The following LAMB3 variants were observed in gnomAD, a reference collection of about 807,000 sequenced individuals.
LAMB3 encodes laminin subunit beta 3, also known as laminin subunit beta-3.
LAMB3 carries 104 observed loss-of-function variants against 140.3 expected under a neutral mutation model. That is an observed-to-expected ratio of 0.74 (90% CI 0.63 to 0.87). LAMB3 has a LOEUF of 0.87. LAMB3 is among the 40% of genes least tolerant of loss of function. The pLI, the probability that LAMB3 is intolerant of heterozygous loss-of-function variation, is 0.00. For missense variants in LAMB3, 1,531 were observed against 1,575.2 expected, an observed-to-expected ratio of 0.97 and a Z score of 0.47; for synonymous variants, 592 against 602.9, an observed-to-expected ratio of 0.98 and a Z score of 0.26.
intron 2 of LAMB3, 110 bp from the exon 3 acceptor site, chr1:209,650,228 C>G: frequency 9.0e-7 from 1 of 1,107,848 alleles, no homozygotes. Flanking sequence ...TCCTTTCCCT[C>G]ACTCAAGCTT....
intron 20 of LAMB3, 116 bp from the exon 21 acceptor site, chr1:209,617,702 A>C: frequency 2.3e-6 from 3 of 1,313,212 alleles, no homozygotes; most frequent in Non-Finnish European, 3.2e-6. Flanking sequence ...CAGAACAAAC[A>C]CAATTGCCCA....
rs368115484 is a variant in LAMB3 at position 209,617,447 on chromosome 1, G to T, written c.3191C>A (p.Ala1064Glu). Residue 1064 changes from alanine to glutamate, a missense_variant, in exon 21 of 23, where the codon GCG (alanine) becomes GAG (glutamate). Ala to Glu is a moderately radical substitution (Grantham distance 107). Coordinates refer to ENST00000356082, the MANE Select transcript of LAMB3 (RefSeq NM_000228.3). ...CAATGCCTGCTCGCTGGCACCTTCC[G>T]CAAGCTGCTGGGCCTGGACTGCCTC... is the stretch of plus-strand genomic sequence containing the variant. ...GAEAVQAQQL[A>E]EGASEQALSA... is the part of the protein sequence containing the mutation. 1.9e-6 allele frequency: 3 copies of T among 1,612,946 alleles called. No individual in the cohort carries two copies. The highest frequency in any genetic ancestry group is 2.2e-5 in the South Asian group (2 of 91,052).
Position 209,637,973 on chromosome 1 carries a change from G to T in LAMB3, c.307C>A (p.Pro103Thr), listed in dbSNP as rs200105150. The T allele has an allele frequency of 4.3e-6, 7 of 1,612,796 alleles. No homozygotes were observed. Among genetic ancestry groups the T allele is most frequent in the South Asian group, 1.1e-5 (1 of 90,832 alleles). ...TCCAGGTCCAGCTGCAGAGAGACAG[G>T]GTTCACATCTGGAAGGACAAAAAAT... ...RWWQSQNDVN[P>T]VSLQLDLDRR... The change falls in exon 5 of 23, where the codon CCT (proline) becomes ACT (threonine). Residue 103 changes from proline to threonine, a missense_variant. Transcript: ENST00000356082.
chr1:209,645,101 A>G (rs554171332), intron 3 of LAMB3, among the ~76,000 whole-genome samples: 1 of 152,244 alleles, frequency 6.6e-6, no homozygotes, highest in Admixed American at 6.5e-5. Flanking sequence ...GGACCCAAGA[A>G]TCTCACATTC....
intron 18 of LAMB3, 177 bp from the exon 19 acceptor site, chr1:209,618,836 T>C: frequency 3.0e-6 from 2 of 667,372 alleles, no homozygotes; most frequent in Admixed American, 4.3e-5. Context: ...CAGGGATTTC[T>C]GGGAATGCTG....
chr1:209,620,545 T>C (rs369614074), intron 18 of LAMB3, among the ~76,000 whole-genome samples: 12 of 152,314 alleles, frequency 7.9e-5, no homozygotes, highest in African/African-American at 2.9e-4. Flanking sequence ...TGTGTGTATG[T>C]ATTTGTGTGT....
Position 209,649,870 on chromosome 1 carries a change from T to C in LAMB3, c.183+94A>G. Reference sequence around the variant, plus strand: ...TCCGTGTAGTACACAGGGCTTGGCCTACACCAAGTACATTCTAAGTATTCA... The same window carrying C: ...TCCGTGTAGTACACAGGGCTTGGCCCACACCAAGTACATTCTAAGTATTCA... On this transcript the variant is annotated intron_variant, in intron 3 of 22. Coordinates refer to ENST00000356082, the MANE Select transcript of LAMB3 (RefSeq NM_000228.3). 14 of 1,433,292 alleles carry C rather than the reference T, an allele frequency of 9.8e-6. No homozygotes were observed. The South Asian group carries it at 1.5e-4, about 15-fold the overall frequency. 88.8% of individuals were successfully genotyped at this position (1,433,292 alleles called of 1,614,324 possible).
intron 3 of LAMB3, among the ~76,000 whole-genome samples, chr1:209,642,539 G>C (rs957502393): frequency 6.6e-6 from 1 of 152,002 alleles, no homozygotes; most frequent in Non-Finnish European, 1.5e-5. Context: ...GTGCAGTGCC[G>C]CGATCTCTGC....
At chr1:209,631,793 C>T (rs35433572) in intron 8 of LAMB3, among the ~76,000 whole-genome samples, 17,184 of 152,218 alleles carry the variant, frequency 0.11, 1,133 homozygotes, top group South Asian at 0.18. Context: ...TCCCTCTGTA[C>T]ACCTCTGCAG....
chr1:209,646,169 T>C (rs1034649254), intron 3 of LAMB3, among the ~76,000 whole-genome samples: 5 of 152,058 alleles, frequency 3.3e-5, no homozygotes, highest in African/African-American at 9.7e-5. Flanking sequence ...GAGGAGACAT[T>C]GTCGGGAGCA....
chr1:209,624,005 G>C lies in LAMB3; in HGVS notation c.1977-5C>G. 6.2e-7 allele frequency: 1 copy of C among 1,611,728 alleles called. No homozygotes were observed. The highest frequency in any genetic ancestry group is 1.1e-5 in the South Asian group (1 of 91,066). ...TGCAGGCCCTGGAGAGTTCGCCTGA[G>C]AAGGGAGAGGAGCTTACACTAAAAT... On this transcript the variant is annotated splice_polypyrimidine_tract_variant and splice_region_variant and intron_variant, in intron 14 of 22. Transcript: ENST00000356082.
At chr1:209,622,760 C>T in intron 17 of LAMB3, 80 bp from the exon 18 acceptor site, 2 of 1,576,310 alleles carry the variant, frequency 1.3e-6, no homozygotes, top group Non-Finnish European at 8.7e-7. Flanking sequence ...GCGGATCATC[C>T]TCTATGCCAA....
chr1:209,646,745 G>T (rs2076522176), intron 3 of LAMB3, among the ~76,000 whole-genome samples: 1 of 152,246 alleles, frequency 6.6e-6, no homozygotes, highest in Non-Finnish European at 1.5e-5. Context: ...CAGGAGAGAA[G>T]GGTTGGATAG....
rs564556671 is a variant in LAMB3, at chr1:209,623,000, G to A, written c.2538C>T (p.Leu846=). 2 of 1,613,418 alleles carry A rather than the reference G, an allele frequency of 1.2e-6. No homozygotes were observed. Among genetic ancestry groups the A allele is most frequent in the Admixed American group, 1.7e-5 (1 of 60,024 alleles). ...AEQLRGFNAQ[L]QRTRQMIRAA... is the part of the protein sequence containing the mutation. ...CACTTACCATCTGCCTGGTCCGCTG[G>A]AGCTGGGCATTGAAGCCCCGCAGCT... Residue 846 remains leucine, a synonymous_variant, in exon 17 of 23, where the codon CTC becomes CTT. Transcript: ENST00000356082.
In LAMB3 at chr1:209,625,919, G is replaced by C; in HGVS notation, c.1705C>G (p.Arg569Gly). ...LTGPRCDQCQ[R>G]GYCNRYPVCV... ...ACCGGGTAGCGATTACAGTAGCCTC[G>C]CTGGCACTGGTCACAGCGGGGCCCG... The change falls in exon 14 of 23, where the codon CGA becomes GGA. Residue 569 changes from arginine (R) to glycine (G), a missense_variant. Arg to Gly is a moderately radical substitution (Grantham distance 125, BLOSUM62 -2). Transcript: ENST00000356082. 1.2e-6 allele frequency: 2 copies of C among 1,613,840 alleles called. No individual in the cohort carries two copies. Among genetic ancestry groups the C allele is most frequent in the Non-Finnish European group, 1.7e-6 (2 of 1,179,898 alleles).
At chr1:209,646,322 G>A (rs1287140962) in intron 3 of LAMB3, among the ~76,000 whole-genome samples, 1 of 152,164 alleles carries the variant, frequency 6.6e-6, no homozygotes, top group Non-Finnish European at 1.5e-5. Context: ...GTCACACACA[G>A]CCCATCTGTC....
intron 1 of LAMB3, 144 bp downstream of exon 1, chr1:209,652,225 A>G (rs2076573516): frequency 6.6e-6 from 1 of 152,242 alleles, no homozygotes; most frequent in South Asian, 2.1e-4. Context: ...TCAAAACTGT[A>G]GCAGACATTT....
At chr1:209,627,322 A>T in intron 12 of LAMB3, 61 bp downstream of exon 12, 1 of 1,361,126 alleles carries the variant, frequency 7.3e-7, no homozygotes, top group Non-Finnish European at 1.0e-6. Context: ...GGCAGCAGAG[A>T]GGCTGGTGCT....
At position 209,623,241 on chromosome 1, in the gene LAMB3, C is replaced by T. The variant is rs1666276218; in HGVS notation, c.2359-62G>A. ...AGCCCCTCAATAACCAATCCCACCC[C>T]ACACCTGGGAAACCAACAGCCAGAC... On this transcript the variant is annotated intron_variant, in intron 16 of 22. Coordinates refer to ENST00000356082, the MANE Select transcript of LAMB3 (RefSeq NM_000228.3). This position sits in a 1 kb window ranked among gnomAD's most constrained non-coding sequence, Gnocchi z 4.2. 4 of 1,539,380 alleles carry T rather than the reference C, an allele frequency of 2.6e-6. No individual in the cohort carries two copies. The highest frequency in any genetic ancestry group is 3.6e-6 in the Non-Finnish European group (4 of 1,117,890).
Sources: allele counts gnomAD v4.1 joint callset (sites outside exome capture counted in the v4.1 genomes callset), GRCh38; gene constraint gnomAD v4.1.1; non-coding constraint Gnocchi (gnomAD v3.1); transcripts MANE v1.5; gene names NCBI Gene and HGNC (gene_info 2026-07-23, HGNC 2026-07-21).